Variants in SLC26A5 observed in about 807,000 individuals in gnomAD.
SLC26A5 encodes solute carrier family 26 member 5.
Under a neutral mutation model 81.0 loss-of-function variants are expected in SLC26A5, and 51 were observed. The ratio of observed to expected loss-of-function variants is 0.63; its 90% confidence interval spans 0.50 to 0.80. SLC26A5 has a LOEUF of 0.80. SLC26A5 is among the 30% of genes least tolerant of loss of function. The pLI is 0.00. For synonymous variants in SLC26A5, 325 were observed against 332.8 expected, an observed-to-expected ratio of 0.98 and a Z score of 0.25; for missense variants, 771 against 905.8, an observed-to-expected ratio of 0.85 and a Z score of 1.91.
chr7:103,434,009 T>A (rs1263409352), intron 2 of SLC26A5, among the ~76,000 whole-genome samples: 1 of 152,132 alleles, frequency 6.6e-6, no homozygotes, highest in Non-Finnish European at 1.5e-5. Flanking sequence ...CCTGTATTAA[T>A]TTTTTCTAAG....
chr7:103,419,762 T>C (rs767787705), intron 4 of SLC26A5, among the ~76,000 whole-genome samples: 39 of 152,134 alleles, frequency 2.6e-4, no homozygotes, highest in Non-Finnish European at 4.6e-4. Flanking sequence ...GATCTCGAAC[T>C]CCTGACCTCA....
chr7:103,387,124 T>C (rs780621616), intron 14 of SLC26A5, among the ~76,000 whole-genome samples: 10 of 152,228 alleles, frequency 6.6e-5, no homozygotes, highest in Non-Finnish European at 1.3e-4. Context: ...AACTCTTACA[T>C]ATGCTAATAA....
At chr7:103,439,940 C>A (rs1252922295) in intron 2 of SLC26A5, among the ~76,000 whole-genome samples, 1 of 152,192 alleles carries the variant, frequency 6.6e-6, no homozygotes, top group Non-Finnish European at 1.5e-5. Flanking sequence ...CCTTCACCAC[C>A]TTCCGGTCTA....
intron 19 of SLC26A5, chr7:103,366,009 T>C: frequency 7.9e-7 from 1 of 1,272,870 alleles, no homozygotes. Context: ...GTTTGAAGCA[T>C]AACTTTTTAC....
chr7:103,373,448 CAAGTT>C (rs1821139888), downstream of SLC26A5, among the ~76,000 whole-genome samples: 2 of 152,110 alleles, frequency 1.3e-5, no homozygotes, highest in African/African-American at 2.4e-5. Flanking sequence ...AATATAAAAA[CAAGTT>C]AAACAACACC....
intron 2 of SLC26A5, among the ~76,000 whole-genome samples, chr7:103,432,816 A>T (rs912555880): frequency 2.0e-5 from 3 of 151,918 alleles, no homozygotes; most frequent in Admixed American, 2.0e-4. Context: ...TTAAGTCGTG[A>T]TGTGTTTTTA....
Position 103,362,891 on chromosome 7 carries a change from T to A in SLC26A5, c.2042-9965A>T, listed in dbSNP as rs1301527444. On this transcript the variant is annotated intron_variant, in intron 19 of 19. Coordinates refer to the SLC26A5 transcript ENST00000339444. ...TCACTGCAACCTCTGCCTCCCGGGT[T>A]CAAGCAATTCTCCTGCCTCAGCCTC... The A allele has an allele frequency of 6.1e-6, 4 of 653,294 alleles. No individual in the cohort carries two copies. In the African/African-American group the frequency reaches 7.4e-5, roughly 12 times the overall value. 40.5% of individuals were successfully genotyped at this position (653,294 alleles called of 1,614,324 possible).
At chr7:103,354,776 T>A in intron 19 of SLC26A5, 1 of 792,542 alleles carries the variant, frequency 1.3e-6, no homozygotes, top group Non-Finnish European at 2.1e-6. Flanking sequence ...ATGATAGCTA[T>A]TGAAATTGTA....
intron 4 of SLC26A5, among the ~76,000 whole-genome samples, chr7:103,418,236 C>T (rs554225991): frequency 6.6e-5 from 10 of 152,228 alleles, no homozygotes; most frequent in African/African-American, 2.4e-4. Flanking sequence ...ATCTCACCTA[C>T]AAAATGTATC....
At chr7:103,400,014 A>G (rs1185741374) in intron 8 of SLC26A5, among the ~76,000 whole-genome samples, 4 of 151,986 alleles carry the variant, frequency 2.6e-5, no homozygotes, top group African/African-American at 4.8e-5. Flanking sequence ...TATTGTGAAT[A>G]GTGCTGCAAT....
intron 8 of SLC26A5, among the ~76,000 whole-genome samples, chr7:103,406,933 G>A (rs1824103375): frequency 1.3e-5 from 2 of 152,192 alleles, no homozygotes; most frequent in South Asian, 4.1e-4. Flanking sequence ...GATTACAGAT[G>A]TGGAGTCACC....
At chr7:103,379,633 C>A (rs953198330) in intron 15 of SLC26A5, among the ~76,000 whole-genome samples, 1 of 151,994 alleles carries the variant, frequency 6.6e-6, no homozygotes, top group African/African-American at 2.4e-5. Flanking sequence ...TACCATTAAA[C>A]ACAAAGAAGA....
At chr7:103,357,128 C>T (rs924654380) in intron 19 of SLC26A5, among the ~76,000 whole-genome samples, 1 of 152,010 alleles carries the variant, frequency 6.6e-6, no homozygotes, top group African/African-American at 2.4e-5. Flanking sequence ...GAGTTCAAGA[C>T]CAGCCTGGTC....
intron 19 of SLC26A5, 121 bp downstream of exon 19, chr7:103,376,687 G>T: frequency 1.4e-6 from 1 of 703,500 alleles, no homozygotes; most frequent in Non-Finnish European, 2.2e-6. Context: ...TGATTTTTCA[G>T]AAGAACAATT....
At chr7:103,392,132 A>C (rs1386214083) in intron 10 of SLC26A5, among the ~76,000 whole-genome samples, 1 of 152,220 alleles carries the variant, frequency 6.6e-6, no homozygotes, top group Non-Finnish European at 1.5e-5. Flanking sequence ...AGTACATGCC[A>C]GTGTCTTCCT....
chr7:103,404,226 T>C (rs1413112500), intron 8 of SLC26A5, among the ~76,000 whole-genome samples: 17 of 152,178 alleles, frequency 1.1e-4, no homozygotes, highest in Non-Finnish European at 1.5e-5. Flanking sequence ...ATCCTGTCAT[T>C]ATGATGCTAG....
chr7:103,412,542 G>GTT (rs1244758241), intron 5 of SLC26A5, among the ~76,000 whole-genome samples: 1,528 of 121,282 alleles, frequency 0.013, 66 homozygotes, highest in East Asian at 0.037. Context: ...GAGGAGTGTA[G>GTT]TTTTTTTTTT....
chr7:103,415,442 AGGAGACATTTGGGGATGTCT>A (rs1418706601), intron 4 of SLC26A5, among the ~76,000 whole-genome samples: 2 of 152,124 alleles, frequency 1.3e-5, no homozygotes, highest in Non-Finnish European at 2.9e-5. Context: ...CACTTCTGGC[AGGAGACATTTGGGGATGTCT>A]GGAGACATTT....
chr7:103,355,878 T>C, intron 19 of SLC26A5: 1 of 896,590 alleles, frequency 1.1e-6, no homozygotes, highest in Non-Finnish European at 1.6e-6. Flanking sequence ...ATGCAATAGT[T>C]CATAAATAAT....
Sources: allele counts gnomAD v4.1 joint callset (sites outside exome capture counted in the v4.1 genomes callset), GRCh38; gene constraint gnomAD v4.1.1; transcripts MANE v1.5; gene names NCBI Gene and HGNC (gene_info 2026-07-23, HGNC 2026-07-21).